The following CAMKMT variants were observed in gnomAD, a reference collection of about 807,000 sequenced individuals.
CAMKMT encodes CaM KMT.
A neutral mutation model predicts 48.0 loss-of-function variants in CAMKMT; 53 were observed. The ratio of observed to expected loss-of-function variants is 1.10; its 90% confidence interval spans 0.89 to 1.39. CAMKMT has a LOEUF of 1.39. Ranked by LOEUF, CAMKMT falls within the 40% of genes most tolerant of loss-of-function variation. The pLI, the probability that CAMKMT is intolerant of heterozygous loss-of-function variation, is 0.00. For synonymous variants in CAMKMT, 165 were observed against 152.3 expected (o/e 1.08, Z -0.61); for missense variants, 428 against 402.7 (o/e 1.06, Z -0.54).
intron 1 of CAMKMT, among the ~76,000 whole-genome samples, chr2:44,363,942 C>T (rs1336027812): frequency 4.6e-5 from 7 of 151,330 alleles, no homozygotes; most frequent in Admixed American, 4.6e-4. Flanking sequence ...TCACTTGCCT[C>T]GCCTCCCGAA....
chr2:44,603,296 G>A (rs1055517656), intron 3 of CAMKMT, among the ~76,000 whole-genome samples: 5 of 151,872 alleles, frequency 3.3e-5, no homozygotes, highest in African/African-American at 1.2e-4. Context: ...TCACCATGTT[G>A]GCCAGGCTGG....
intron 3 of CAMKMT, among the ~76,000 whole-genome samples, chr2:44,513,991 A>G (rs779558459): frequency 1.8e-4 from 28 of 151,416 alleles, no homozygotes; most frequent in Non-Finnish European, 3.5e-4. Flanking sequence ...AGTTTCAGCT[A>G]TTTGGGAGTC....
chr2:44,599,913 A>T (rs1164897729), intron 3 of CAMKMT, among the ~76,000 whole-genome samples: 1 of 151,868 alleles, frequency 6.6e-6, no homozygotes, highest in Non-Finnish European at 1.5e-5. Context: ...ATTTTTATGA[A>T]TTTTTCTTCA....
chr2:44,515,891 A>G (rs1018202172), intron 3 of CAMKMT, among the ~76,000 whole-genome samples: 1 of 152,208 alleles, frequency 6.6e-6, no homozygotes, highest in Non-Finnish European at 1.5e-5. Context: ...CATTGCTGGG[A>G]TACATCAAAT....
At chr2:44,447,580 A>C (rs9808066) in intron 3 of CAMKMT, among the ~76,000 whole-genome samples, 7,072 of 152,256 alleles carry the variant, frequency 0.046, 562 homozygotes, top group African/African-American at 0.16. Flanking sequence ...GCTATGTTTC[A>C]TGTTGTCTGC....
intron 3 of CAMKMT, among the ~76,000 whole-genome samples, chr2:44,528,856 C>T (rs1666313269): frequency 6.6e-6 from 1 of 152,018 alleles, no homozygotes; most frequent in African/African-American, 2.4e-5. Flanking sequence ...GATCTGATTC[C>T]AGGGTGTTTT....
chr2:44,421,002 G>C (rs1053306565), intron 3 of CAMKMT, among the ~76,000 whole-genome samples: 2 of 152,028 alleles, frequency 1.3e-5, no homozygotes, highest in African/African-American at 4.8e-5. Flanking sequence ...TCTCAGCTTT[G>C]CTTATATCTG....
chr2:44,753,952 G>T, intron 8 of CAMKMT, 103 bp from the exon 9 acceptor site: 3 of 773,034 alleles, frequency 3.9e-6, no homozygotes, highest in Non-Finnish European at 4.4e-6. Flanking sequence ...CTCTTTTTTA[G>T]CGTTGGGTAA....
At chr2:44,728,598 T>C (rs1229801833) in intron 7 of CAMKMT, among the ~76,000 whole-genome samples, 1 of 152,158 alleles carries the variant, frequency 6.6e-6, no homozygotes, top group African/African-American at 2.4e-5. Flanking sequence ...CAGAAGTTGA[T>C]GTTGGTCTAT....
At chr2:44,434,214 C>T (rs987335322) in intron 3 of CAMKMT, among the ~76,000 whole-genome samples, 17 of 137,206 alleles carry the variant, frequency 1.2e-4, no homozygotes, top group Non-Finnish European at 1.8e-4. Flanking sequence ...GGCTGCTGTA[C>T]GTTTGTGAGG....
At chr2:44,448,191 T>G (rs1379232434) in intron 3 of CAMKMT, among the ~76,000 whole-genome samples, 1 of 152,208 alleles carries the variant, frequency 6.6e-6, no homozygotes, top group African/African-American at 2.4e-5. Flanking sequence ...AGAAACTGCA[T>G]ATATGAAAAG....
intron 3 of CAMKMT, among the ~76,000 whole-genome samples, chr2:44,470,418 C>T (rs1310392772): frequency 6.6e-6 from 1 of 152,174 alleles, no homozygotes; most frequent in Non-Finnish European, 1.5e-5. Flanking sequence ...AGTAGTGTCT[C>T]TCATTTTCAG....
intron 3 of CAMKMT, among the ~76,000 whole-genome samples, chr2:44,584,206 A>G (rs1241003780): frequency 2.0e-5 from 3 of 152,190 alleles, no homozygotes; most frequent in Non-Finnish European, 4.4e-5. Context: ...TTTCCTTATT[A>G]TTACTGATTA....
At chr2:44,397,793 A>T (rs1681995355) in intron 3 of CAMKMT, among the ~76,000 whole-genome samples, 1 of 152,222 alleles carries the variant, frequency 6.6e-6, no homozygotes, top group South Asian at 2.1e-4. Flanking sequence ...CAGAATTGGA[A>T]TGATTCTTTG....
intron 3 of CAMKMT, among the ~76,000 whole-genome samples, chr2:44,463,699 G>A (rs372631394): frequency 4.1e-4 from 63 of 152,180 alleles, no homozygotes; most frequent in Middle Eastern, 6.8e-3. Context: ...ACAGACAGGC[G>A]CAAGAGGGAG....
At chr2:44,423,399 C>T (rs369234451) in intron 3 of CAMKMT, among the ~76,000 whole-genome samples, 1 of 152,036 alleles carries the variant, frequency 6.6e-6, no homozygotes, top group African/African-American at 2.4e-5. Context: ...ACACTGGTCT[C>T]GAACTCCTGA....
chr2:44,368,036 C>T (rs751606066), intron 1 of CAMKMT, among the ~76,000 whole-genome samples: 3 of 152,122 alleles, frequency 2.0e-5, no homozygotes, highest in Non-Finnish European at 4.4e-5. Context: ...CAGTTGCATA[C>T]GTTGTTTACC....
chr2:44,640,213 A>G (rs762863010), intron 3 of CAMKMT, among the ~76,000 whole-genome samples: 1 of 152,214 alleles, frequency 6.6e-6, no homozygotes, highest in Non-Finnish European at 1.5e-5. Flanking sequence ...AGTACTTTAA[A>G]TAGAGGCATC....
At chr2:44,614,764 T>G (rs1671776779) in intron 3 of CAMKMT, among the ~76,000 whole-genome samples, 1 of 151,818 alleles carries the variant, frequency 6.6e-6, no homozygotes, top group Admixed American at 6.6e-5. Flanking sequence ...GTGAAAGATG[T>G]TCCAAGCAGA....
Sources: allele counts gnomAD v4.1 joint callset (sites outside exome capture counted in the v4.1 genomes callset), GRCh38; gene constraint gnomAD v4.1.1; transcripts MANE v1.5; gene names NCBI Gene and HGNC (gene_info 2026-07-23, HGNC 2026-07-21).